Variants in SMAP1 observed in about 807,000 individuals in gnomAD.
SMAP1 encodes the protein stromal membrane-associated protein 1.
A neutral mutation model predicts 58.5 loss-of-function variants in SMAP1; 24 were observed. That is an observed-to-expected ratio of 0.41 (90% CI 0.30 to 0.58). The LOEUF is 0.58. Among genes scored for constraint, SMAP1 ranks in the 20% least tolerant of loss-of-function variants. The pLI is 0.29. For synonymous variants in SMAP1, 216 were observed against 196.6 expected, an observed-to-expected ratio of 1.10 and a Z score of -0.82; for missense variants, 563 against 566.3, an observed-to-expected ratio of 0.99 and a Z score of 0.06.
intron 6 of SMAP1, among the ~76,000 whole-genome samples, chr6:70,830,778 G>A (rs542807057): frequency 6.6e-6 from 1 of 152,278 alleles, no homozygotes; most frequent in East Asian, 1.9e-4. Flanking sequence ...TTGGAAATCT[G>A]TTGTTCCTCT....
At chr6:70,732,783 C>A (rs1290846844) in intron 2 of SMAP1, among the ~76,000 whole-genome samples, 1 of 151,848 alleles carries the variant, frequency 6.6e-6, no homozygotes, top group Non-Finnish European at 1.5e-5. Flanking sequence ...TAAAATTTGC[C>A]AGTATAATTC....
At chr6:70,730,103 G>C (rs1034038084) in intron 1 of SMAP1, among the ~76,000 whole-genome samples, 3 of 151,956 alleles carry the variant, frequency 2.0e-5, no homozygotes, top group Non-Finnish European at 4.4e-5. Context: ...TGACTAGAGT[G>C]CGGTGGTACC....
chr6:70,798,116 A>G (rs1768685453), intron 5 of SMAP1, among the ~76,000 whole-genome samples: 1 of 152,052 alleles, frequency 6.6e-6, no homozygotes, highest in Non-Finnish European at 1.5e-5. Context: ...TTCATGAGAA[A>G]ATCACTGTAT....
intron 1 of SMAP1, among the ~76,000 whole-genome samples, chr6:70,722,387 T>A (rs1768568766): frequency 6.6e-6 from 1 of 152,246 alleles, no homozygotes; most frequent in African/African-American, 2.4e-5. Context: ...TCTAGCATTG[T>A]TTTCCTCACT....
intron 4 of SMAP1, among the ~76,000 whole-genome samples, chr6:70,780,956 T>A (rs546112953): frequency 6.6e-6 from 1 of 152,368 alleles, no homozygotes; most frequent in Admixed American, 6.5e-5. Flanking sequence ...TCTATTCTTA[T>A]TAGGGTGCCT....
At chr6:70,697,923 A>G (rs1385763295) in intron 1 of SMAP1, among the ~76,000 whole-genome samples, 5 of 152,218 alleles carry the variant, frequency 3.3e-5, no homozygotes, top group African/African-American at 1.2e-4. Context: ...TCTACTCAAG[A>G]TATGAACAGT....
At chr6:70,832,855 A>G (rs1370310437) in intron 6 of SMAP1, among the ~76,000 whole-genome samples, 1 of 152,160 alleles carries the variant, frequency 6.6e-6, no homozygotes, top group African/African-American at 2.4e-5. Flanking sequence ...CCACCTTTCA[A>G]CACTGTTACA....
chr6:70,861,766 T>C lies in SMAP1; in HGVS notation c.*1432T>C, dbSNP rs1463256530. 6.2e-7 allele frequency: 1 copy of C among 1,614,044 alleles called. No homozygotes were observed. Among genetic ancestry groups the C allele is most frequent in the Admixed American group, 1.7e-5 (1 of 60,006 alleles). On this transcript the variant is annotated 3_prime_UTR_variant, in exon 11 of 11. Transcript: ENST00000370455. ...CACGAGAACCTGAAGGGGAAGGAAATAGCTTGGGTAGCGCACTCTTCATGG... is the reference window on the plus strand; with the variant it reads ...CACGAGAACCTGAAGGGGAAGGAAACAGCTTGGGTAGCGCACTCTTCATGG...
chr6:70,828,167 A>C (rs188281363), intron 6 of SMAP1, among the ~76,000 whole-genome samples: 17 of 152,310 alleles, frequency 1.1e-4, no homozygotes, highest in Admixed American at 5.9e-4. Flanking sequence ...TTATTAATGT[A>C]TTTATAGCAT....
chr6:70,833,919 A>G (rs1264611886), intron 6 of SMAP1, among the ~76,000 whole-genome samples: 1 of 152,194 alleles, frequency 6.6e-6, no homozygotes, highest in Non-Finnish European at 1.5e-5. Context: ...TATTTTGCAC[A>G]GCTATATATA....
intron 1 of SMAP1, among the ~76,000 whole-genome samples, chr6:70,705,620 A>C (rs1767807221): frequency 6.6e-6 from 1 of 152,190 alleles, no homozygotes; most frequent in African/African-American, 2.4e-5. Context: ...TAACAAATAT[A>C]ACTGCACACA....
Position 70,773,445 on chromosome 6 carries a change from CTCA to C in SMAP1, c.414+24_414+26del. ...ACAAATGTAAGTAAAACCTTCATCT[CTCA>C]TCAATTGTTTGTTGACTAGATTTCA... On this transcript the variant is annotated intron_variant, in intron 4 of 10. Transcript: ENST00000370455. The C allele has an allele frequency of 7.1e-7, 1 of 1,407,550 alleles. No homozygotes were observed. Among genetic ancestry groups the C allele is most frequent in the Non-Finnish European group, 9.8e-7 (1 of 1,016,322 alleles). 87.2% of individuals were successfully genotyped at this position (1,407,550 alleles called of 1,614,324 possible).
Position 70,820,102 on chromosome 6 carries a change from A to G in SMAP1, c.577-16839A>G, listed in dbSNP as rs535925458. Among the ~76,000 whole-genome samples the G allele has an allele frequency of 1.9e-3, 290 of 152,234 alleles. 2 individuals carry two copies. The highest frequency in any genetic ancestry group is 6.6e-3 in the African/African-American group (273 of 41,536). ...TTCTCATGTGTTTGGAGCTATAGGG[A>G]TGTGATTAAAGATAAGGTTCTGGAG... On this transcript the variant is annotated intron_variant, in intron 6 of 10. Coordinates refer to ENST00000370455, the MANE Select transcript of SMAP1 (RefSeq NM_001044305.3).
At chr6:70,751,420 G>C (rs1261013982) in intron 2 of SMAP1, among the ~76,000 whole-genome samples, 1 of 151,772 alleles carries the variant, frequency 6.6e-6, no homozygotes, top group Non-Finnish European at 1.5e-5. Context: ...CTCCTCACTT[G>C]CTTGACTTGT....
chr6:70,861,342 C>A lies in SMAP1; in HGVS notation c.*1008C>A, dbSNP rs370648758. 4.2e-6 allele frequency: 1 copy of A among 236,834 alleles called. No individual in the cohort carries two copies. The highest frequency in any genetic ancestry group is 8.6e-5 in the East Asian group (1 of 11,606). The allele number at this position is 236,834 out of a possible 1,614,324, so 14.7% of individuals were successfully genotyped here. On this transcript the variant is annotated 3_prime_UTR_variant, in exon 11 of 11. Transcript: ENST00000370455. Reference sequence around the variant, plus strand: ...TGTTCAAGTCTACCAATTATAAGGGCAAATTGGAGAAAAAGAAAAAATATA... The same window carrying A: ...TGTTCAAGTCTACCAATTATAAGGGAAAATTGGAGAAAAAGAAAAAATATA...
intron 1 of SMAP1, among the ~76,000 whole-genome samples, chr6:70,729,949 T>C (rs1291223066): frequency 6.6e-6 from 1 of 152,100 alleles, no homozygotes; most frequent in African/African-American, 2.4e-5. Flanking sequence ...ACTCTGGGGG[T>C]CACAGAATTA....
intron 1 of SMAP1, among the ~76,000 whole-genome samples, chr6:70,707,109 A>G (rs1767871958): frequency 6.6e-6 from 1 of 152,076 alleles, no homozygotes; most frequent in Admixed American, 6.5e-5. Flanking sequence ...TGTTAGTTTT[A>G]TACTATTAGA....
At chr6:70,836,314 A>G (rs2149997539) in intron 6 of SMAP1, among the ~76,000 whole-genome samples, 1 of 152,274 alleles carries the variant, frequency 6.6e-6, no homozygotes, top group South Asian at 2.1e-4. Context: ...CAGCCTGTGT[A>G]GGGAAACTAC....
At chr6:70,749,368 C>G (rs143818687) in intron 2 of SMAP1, among the ~76,000 whole-genome samples, 1 of 152,090 alleles carries the variant, frequency 6.6e-6, no homozygotes, top group Non-Finnish European at 1.5e-5. Flanking sequence ...GAAGCCAAAC[C>G]ATATCAATTG....
Sources: gnomAD v4.1 joint callset for allele counts (sites outside exome capture counted in the v4.1 genomes callset) on GRCh38, gnomAD v4.1.1 for gene constraint, MANE v1.5 for transcripts, NCBI Gene and HGNC (gene_info 2026-07-23, HGNC 2026-07-21) for gene names.